Variants in DMD observed in about 807,000 individuals in gnomAD.
DMD encodes the protein dystrophin.
Under a neutral mutation model 330.1 loss-of-function variants are expected in DMD, and 63 were observed. The observed-to-expected ratio is 0.19, with a 90% CI of 0.16 to 0.24. DMD has a LOEUF of 0.24. Among genes scored for constraint, DMD ranks in the 10% least tolerant of loss-of-function variants. The pLI is 1.00. For missense variants in DMD, 3,344 were observed against 2,684.1 expected (o/e 1.25, Z -5.43); for synonymous variants, 1,223 against 959.8 (o/e 1.27, Z -5.07).
At chrX:31,744,325 C>T (rs746524417) in intron 51 of DMD, among the ~76,000 whole-genome samples, 43 of 111,638 alleles carry the variant, frequency 3.9e-4, no homozygotes, top group Non-Finnish European at 6.6e-4. Context: ...AGACGTAAAG[C>T]GAGCACATGC....
intron 1 of DMD, among the ~76,000 whole-genome samples, chrX:33,166,631 C>T (rs2049066995): frequency 9.0e-6 from 1 of 110,882 alleles, no homozygotes; most frequent in South Asian, 3.7e-4. Context: ...CTGATTTATG[C>T]ATTTATGTCT....
intron 41 of DMD, among the ~76,000 whole-genome samples, chrX:32,325,604 G>T (rs1262995593): frequency 9.0e-6 from 1 of 111,221 alleles, no homozygotes; most frequent in African/African-American, 3.3e-5. Flanking sequence ...AACCATATTG[G>T]TGCCCCTCAC....
intron 2 of DMD, among the ~76,000 whole-genome samples, chrX:33,008,880 G>A (rs865861804): frequency 8.2e-5 from 5 of 60,895 alleles, no homozygotes; most frequent in Non-Finnish European, 1.3e-4. Context: ...ACTCATATAT[G>A]TATATATACG....
At chrX:32,017,079 C>T (rs375881232) in intron 44 of DMD, among the ~76,000 whole-genome samples, 10 of 112,007 alleles carry the variant, frequency 8.9e-5, no homozygotes, top group East Asian at 2.8e-4. Context: ...CTTTTGGAAA[C>T]GGCTTTGTTT....
chrX:31,351,986 G>A (rs925534281), intron 60 of DMD, among the ~76,000 whole-genome samples: 3 of 110,060 alleles, frequency 2.7e-5, no homozygotes, highest in Non-Finnish European at 5.7e-5. Context: ...GGCAGAGCTA[G>A]GATTCAAACT....
At chrX:32,404,540 T>C (rs1475863795) in intron 30 of DMD, among the ~76,000 whole-genome samples, 2 of 111,543 alleles carry the variant, frequency 1.8e-5, no homozygotes, top group Non-Finnish European at 3.8e-5. Flanking sequence ...AACTCCGCTC[T>C]TGCTTGCAGT....
intron 55 of DMD, among the ~76,000 whole-genome samples, chrX:31,553,093 G>C (rs2074587405): frequency 8.9e-6 from 1 of 111,743 alleles, no homozygotes; most frequent in African/African-American, 3.3e-5. Context: ...CTGAGAACTT[G>C]TTAGAGATGC....
In DMD at chrX:31,348,618, CG is replaced by C; in HGVS notation, c.9100del (p.Arg3034GlufsTer55). 8.3e-7 allele frequency: 1 copy of C among 1,209,273 alleles called. No individual in the cohort carries two copies. The highest frequency in any genetic ancestry group is 1.1e-6 in the Non-Finnish European group (1 of 894,002). On this transcript the variant is annotated frameshift_variant, in exon 61 of 79. Coordinates refer to ENST00000357033, the MANE Select transcript of DMD (RefSeq NM_004006.3). LOFTEE classifies it high-confidence loss of function. ...GTGGGCTTCATGCAGCTGCCTGACT[CG>C]GTCCTCGACGGCCACCTGGGAGGAA... Reference protein sequence around the residue: ...WKLLQVAVEDRVRQLHEAHRD... With the variant: ...WKLLQVAVEDXVRQLHEAHRD...
Position 32,335,788 on chromosome X carries a change from CAT to C in DMD, c.5922+6310_5922+6311del, listed in dbSNP as rs2097707526. On this transcript the variant is annotated intron_variant, in intron 41 of 78. Coordinates refer to ENST00000357033, the MANE Select transcript of DMD (RefSeq NM_004006.3). ...TATATAAAACGTTATATATGTATAA[CAT>C]GTTATATATAACACGTGTATATATG... 4.0e-5 allele frequency among the ~76,000 whole-genome samples: 4 copies of C among 98,929 alleles called. No homozygotes were observed. The South Asian group carries it at 1.7e-3, about 42-fold the overall frequency. 85.9% of individuals were successfully genotyped at this position (98,929 alleles called of 115,157 possible). A position where few individuals can be genotyped will look rare whatever the true frequency, so the allele number is the denominator to read the frequency against.
At chrX:32,348,737 A>C (rs2097772242) in intron 37 of DMD, among the ~76,000 whole-genome samples, 1 of 111,790 alleles carries the variant, frequency 8.9e-6, no homozygotes, top group Admixed American at 9.6e-5. Flanking sequence ...CCAGAGCTGA[A>C]CATACATGCA....
At chrX:31,484,796 T>A (rs994550700) in intron 57 of DMD, among the ~76,000 whole-genome samples, 3 of 112,095 alleles carry the variant, frequency 2.7e-5, no homozygotes, top group South Asian at 7.4e-4. Context: ...CACTAATTTG[T>A]TCATTCAAAA....
rs915411290 is a variant in DMD, at chrX:31,684,024, A to G, written c.7661-4438T>C. 5.4e-5 allele frequency among the ~76,000 whole-genome samples: 6 copies of G among 111,899 alleles called. No homozygotes were observed. The East Asian group carries it at 1.7e-3, about 31-fold the overall frequency. ...AAATAACTGGTCTAAGGTCACATAGATAGTGATTGTTAGAGCCGACACTTG... is the reference window on the plus strand; with the variant it reads ...AAATAACTGGTCTAAGGTCACATAGGTAGTGATTGTTAGAGCCGACACTTG... On this transcript the variant is annotated intron_variant, in intron 52 of 78. Coordinates refer to ENST00000357033, the MANE Select transcript of DMD (RefSeq NM_004006.3).
chrX:33,020,063 A>T, intron 2 of DMD, 76 bp downstream of exon 2: 1 of 789,605 alleles, frequency 1.3e-6, no homozygotes. Context: ...CGGATTTTTA[A>T]GATACACAGG....
At chrX:32,233,598 C>CTTTT (rs777083648) in intron 43 of DMD, among the ~76,000 whole-genome samples, 88 of 93,795 alleles carry the variant, frequency 9.4e-4, no homozygotes, top group African/African-American at 2.8e-3. Context: ...ATTTCTTTTT[C>CTTTT]TTTTATTTAT....
chrX:31,895,597 C>T (rs368246077), intron 47 of DMD, among the ~76,000 whole-genome samples: 1 of 111,468 alleles, frequency 9.0e-6, no homozygotes, highest in Non-Finnish European at 1.9e-5. Context: ...ACTTATTCTA[C>T]AGGGATAAAC....
intron 9 of DMD, among the ~76,000 whole-genome samples, chrX:32,669,835 T>A (rs1298760544): frequency 9.0e-6 from 1 of 111,367 alleles, no homozygotes; most frequent in East Asian, 2.8e-4. Flanking sequence ...GCCTACTGAA[T>A]AAAATGTATC....
At chrX:32,497,575 T>G (rs1443699023) in intron 19 of DMD, among the ~76,000 whole-genome samples, 1 of 112,206 alleles carries the variant, frequency 8.9e-6, no homozygotes, top group African/African-American at 3.2e-5. Flanking sequence ...TGTTTTCAAA[T>G]AAATGTTTTG....
chrX:32,480,315 T>C (rs1603634498), intron 21 of DMD, among the ~76,000 whole-genome samples: 1 of 111,631 alleles, frequency 9.0e-6, no homozygotes, highest in East Asian at 2.8e-4. Context: ...GGTGGGAATG[T>C]AAATTAGTAC....
rs773345333 is a variant in DMD, at chrX:33,241,355, AGCT to A, written c.7+97901_7+97903del. Among the ~76,000 whole-genome samples the A allele has an allele frequency of 1.1e-4, 12 of 112,173 alleles. 1 individual carries two copies. In the Middle Eastern group the frequency reaches 0.023, roughly 217 times the overall value. On this transcript the variant is annotated intron_variant, in intron 1 of 17. Transcript: ENST00000288447. Reference sequence around the variant, plus strand: ...ATACCTGGTACCATTGTTGAAAATCAGCTGGCTATAATTCTGTGGATTTATTTC... The same window carrying A: ...ATACCTGGTACCATTGTTGAAAATCAGGCTATAATTCTGTGGATTTATTTC...
Sources: gnomAD v4.1 joint callset for allele counts (sites outside exome capture counted in the v4.1 genomes callset) on GRCh38, gnomAD v4.1.1 for gene constraint, MANE v1.5 for transcripts, NCBI Gene and HGNC (gene_info 2026-07-23, HGNC 2026-07-21) for gene names.